Variants in SPTB observed in about 807,000 individuals in gnomAD.
The protein encoded by SPTB is spectrin beta, erythrocytic, also known as spectrin beta chain, erythrocytic.
Under a neutral mutation model 256.2 loss-of-function variants are expected in SPTB, and 45 were observed. That is an observed-to-expected ratio of 0.18 (90% CI 0.14 to 0.23). The LOEUF (loss-of-function observed/expected upper bound fraction) is 0.23. SPTB is among the 10% of genes least tolerant of loss of function. The pLI is 1.00. For synonymous variants in SPTB, 1,231 were observed against 1,243.1 expected, an observed-to-expected ratio of 0.99 and a Z score of 0.21; for missense variants, 2,715 against 3,040.4, an observed-to-expected ratio of 0.89 and a Z score of 2.52.
rs1566729212 is a variant in SPTB at position 64,749,262 on chromosome 14, G to T, written c.*44C>A. ...AGGAGGCCAAGGCCTGGGCTGCCCGGTCTCTGCGCGTCCCGACTCCGCCGC... is the reference window on the plus strand; with the variant it reads ...AGGAGGCCAAGGCCTGGGCTGCCCGTTCTCTGCGCGTCCCGACTCCGCCGC... On this transcript the variant is annotated 3_prime_UTR_variant, in exon 36 of 36. Coordinates refer to ENST00000644917, the MANE Select transcript of SPTB (RefSeq NM_001355436.2). This position sits in a 1 kb window ranked among gnomAD's most constrained non-coding sequence, Gnocchi z 4.7. 6.5e-7 allele frequency: 1 copy of T among 1,541,118 alleles called. No individual in the cohort carries two copies. The highest frequency in any genetic ancestry group is 8.7e-7 in the Non-Finnish European group (1 of 1,148,452).
rs1468167750 is a variant in SPTB, at chr14:64,753,586, G to A, written c.6553C>T (p.Leu2185=). Residue 2185 remains leucine (L), a synonymous_variant, in exon 33 of 36, where the codon CTG becomes TTG. Transcript: ENST00000644917. The part of the protein sequence containing the change: ...HGQSVQMEGY[L]GRKHDLEGPN... Reference sequence around the variant, plus strand: ...CCCTCCAGGTCATGCTTGCGGCCCAGGTAGCCTTCCATCTGCACACTCTGC... The same window carrying A: ...CCCTCCAGGTCATGCTTGCGGCCCAAGTAGCCTTCCATCTGCACACTCTGC... 1 of 1,613,586 alleles carries A rather than the reference G, an allele frequency of 6.2e-7. No individual in the cohort carries two copies. Among genetic ancestry groups the A allele is most frequent in the Non-Finnish European group, 8.5e-7 (1 of 1,180,024 alleles).
intron 20 of SPTB, among the ~76,000 whole-genome samples, chr14:64,780,667 C>T (rs558242116): frequency 6.6e-6 from 1 of 152,308 alleles, no homozygotes; most frequent in African/African-American, 2.4e-5. Flanking sequence ...CCCACCTTGG[C>T]CTCCCAAAGT....
At chr14:64,815,910 G>A (rs1002205468) in intron 2 of SPTB, among the ~76,000 whole-genome samples, 11 of 152,160 alleles carry the variant, frequency 7.2e-5, no homozygotes, top group East Asian at 3.9e-4. Flanking sequence ...TGACTTGATC[G>A]AGGTCCCCTA....
In SPTB at chr14:64,825,886, G is replaced by A. The variant is rs141316856; in HGVS notation, c.-51-2741C>T. Among the ~76,000 whole-genome samples, 1 of 152,224 alleles carries A rather than the reference G, an allele frequency of 6.6e-6. No homozygotes were observed. Among genetic ancestry groups the A allele is most frequent in the East Asian group, 1.9e-4 (1 of 5,202 alleles). ...TGCTTAAAAATGCCATCCCTCCTGT[G>A]GCCATGGCTCAGAGAAGGCAGCAGC... On this transcript the variant is annotated intron_variant, in intron 1 of 35. Transcript: ENST00000644917. The surrounding 1 kb of genome is among the most constrained non-coding windows in gnomAD (Gnocchi z 4.8).
chr14:64,822,990 G>A lies in SPTB; in HGVS notation c.105C>T (p.Ser35=). The change falls in exon 2 of 36, where the codon AGC becomes AGT. Residue 35 remains serine (S), a synonymous_variant. Transcript: ENST00000644917. ...APDDELDNDN[S]SARLFERSRI... ...GGGACCTCTCAAAGAGCCTGGCTGA[G>A]CTGTTGTCATTATCCAGCTCGTCGT... The A allele has an allele frequency of 6.2e-7, 1 of 1,614,042 alleles. No individual in the cohort carries two copies.
chr14:64,749,038 C>T lies in SPTB; in HGVS notation c.*268G>A. On this transcript the variant is annotated 3_prime_UTR_variant, in exon 36 of 36. Coordinates refer to ENST00000644917, the MANE Select transcript of SPTB (RefSeq NM_001355436.2). The surrounding 1 kb of genome is among the most constrained non-coding windows in gnomAD (Gnocchi z 4.7). ...GTGTGCCTCAGAGAACCGTTTCCTGCCCCCAGGCCTGGAGGCCCCAAAGGC... is the reference window on the plus strand; with the variant it reads ...GTGTGCCTCAGAGAACCGTTTCCTGTCCCCAGGCCTGGAGGCCCCAAAGGC... The T allele has an allele frequency of 5.3e-6, 2 of 379,728 alleles. No individual in the cohort carries two copies. Among genetic ancestry groups the T allele is most frequent in the South Asian group, 5.7e-5 (2 of 35,188 alleles). 23.5% of individuals were successfully genotyped at this position (379,728 alleles called of 1,614,324 possible). A position where few individuals can be genotyped will look rare whatever the true frequency, so the allele number is the denominator to read the frequency against.
intron 2 of SPTB, among the ~76,000 whole-genome samples, chr14:64,818,357 T>C (rs537532154): frequency 1.3e-5 from 2 of 151,994 alleles, no homozygotes; most frequent in Non-Finnish European, 2.9e-5. Flanking sequence ...GGGCGGCACA[T>C]GGGATGCCGG....
chr14:64,850,865 C>T (rs371043079), intron 1 of SPTB, among the ~76,000 whole-genome samples: 27 of 152,198 alleles, frequency 1.8e-4, no homozygotes, highest in African/African-American at 6.3e-4. Context: ...GATGTACTCC[C>T]ATTCTCATTC....
In SPTB at chr14:64,786,526, C is replaced by A. The variant is rs1390340680; in HGVS notation, c.3439G>T (p.Asp1147Tyr). ...CTGCCCAGGGCATTCCAGCCAGTAT[C>A]CAGGCCCTCCAGCCGCTGGCCCAGA... The part of the protein sequence containing the change: ...LLLGQRLEGL[D>Y]TGWNALGRMW... The change falls in exon 16 of 36, where the codon GAT becomes TAT. Residue 1147 changes from aspartate to tyrosine, a missense_variant. Physicochemically the swap from Asp to Tyr is radical, Grantham distance 160 (BLOSUM62 -3). Transcript: ENST00000644917. The surrounding 1 kb of genome is among the most constrained non-coding windows in gnomAD (Gnocchi z 5.6). 8.1e-6 allele frequency: 13 copies of A among 1,614,148 alleles called. No homozygotes were observed. The Admixed American group carries it at 1.8e-4, about 23-fold the overall frequency.
chr14:64,822,056 G>A (rs1467197444), intron 2 of SPTB, among the ~76,000 whole-genome samples: 4 of 151,936 alleles, frequency 2.6e-5, no homozygotes, highest in Admixed American at 1.3e-4. Flanking sequence ...ACTCTTCTTA[G>A]GAGGTGGAAG....
In SPTB at chr14:64,857,393, G is replaced by C. The variant is rs56978985; in HGVS notation, c.-52+22399C>G. Reference sequence around the variant, plus strand: ...AGCCTAGGAGTTTGAGACCAGCCTGGGCAATATGGTGAGACCCCATCTTTA... The same window carrying C: ...AGCCTAGGAGTTTGAGACCAGCCTGCGCAATATGGTGAGACCCCATCTTTA... On this transcript the variant is annotated intron_variant, in intron 1 of 35. Transcript: ENST00000644917. Among the ~76,000 whole-genome samples the C allele has an allele frequency of 1.2e-3, 176 of 151,894 alleles. 1 individual carries two copies. The highest frequency in any genetic ancestry group is 4.2e-3 in the African/African-American group (172 of 41,376).
At chr14:64,849,099 T>C (rs1173008607) in intron 1 of SPTB, among the ~76,000 whole-genome samples, 1 of 152,256 alleles carries the variant, frequency 6.6e-6, no homozygotes, top group Non-Finnish European at 1.5e-5. Flanking sequence ...GGTTAAGTTA[T>C]AGCCTTTATT....
At chr14:64,751,205 C>T (rs111764716) in intron 33 of SPTB, among the ~76,000 whole-genome samples, 204 of 151,470 alleles carry the variant, frequency 1.3e-3, no homozygotes, top group Middle Eastern at 3.4e-3. Context: ...CTGCAACCTC[C>T]GCCTCCCAGG....
chr14:64,801,982 C>T (rs1278983258), intron 5 of SPTB, 148 bp from the exon 6 acceptor site: 10 of 878,522 alleles, frequency 1.1e-5, no homozygotes, highest in Non-Finnish European at 1.7e-5. Flanking sequence ...GCTAACCACA[C>T]ACAGAGGCTC....
At chr14:64,810,544 G>T (rs1340052617) in intron 2 of SPTB, among the ~76,000 whole-genome samples, 1 of 152,112 alleles carries the variant, frequency 6.6e-6, no homozygotes, top group Non-Finnish European at 1.5e-5. Flanking sequence ...GCCGGGCATG[G>T]TGTTGCGCGC....
intron 12 of SPTB, among the ~76,000 whole-genome samples, chr14:64,794,888 T>C (rs2082738388): frequency 6.6e-6 from 1 of 152,224 alleles, no homozygotes; most frequent in African/African-American, 2.4e-5. Context: ...CCTGGCCATG[T>C]GTATTTTCAC....
At position 64,779,244 on chromosome 14, in the gene SPTB, A is replaced by C; in HGVS notation, c.4476T>G (p.Leu1492=). ...CCAGAGGCAGCCTCTCCTCCACCCAAAGCTGCAGAGACCAGGAGGCAGGAG... is the reference window on the plus strand; with the variant it reads ...CCAGAGGCAGCCTCTCCTCCACCCACAGCTGCAGAGACCAGGAGGCAGGAG... ...QISRDLEDET[L]WVEERLPLAQ... is the part of the protein sequence containing the mutation. Residue 1492 remains leucine, a splice_region_variant and synonymous_variant, in exon 22 of 36, where the codon CTT becomes CTG. Coordinates refer to ENST00000644917, the MANE Select transcript of SPTB (RefSeq NM_001355436.2). This position sits in a 1 kb window ranked among gnomAD's most constrained non-coding sequence, Gnocchi z 4.2. 1 of 1,612,018 alleles carries C rather than the reference A, an allele frequency of 6.2e-7. No homozygotes were observed. The highest frequency in any genetic ancestry group is 8.5e-7 in the Non-Finnish European group (1 of 1,178,822).
At chr14:64,773,571 G>T in intron 24 of SPTB, 147 bp from the exon 25 acceptor site, 1 of 851,720 alleles carries the variant, frequency 1.2e-6, no homozygotes, top group South Asian at 1.4e-5. Context: ...GGCTTTGCCG[G>T]GGAAGAGCTG....
At chr14:64,817,067 T>C (rs1444276393) in intron 2 of SPTB, among the ~76,000 whole-genome samples, 1 of 152,180 alleles carries the variant, frequency 6.6e-6, no homozygotes, top group Non-Finnish European at 1.5e-5. Context: ...CAGTCACCCA[T>C]AGAAGGGAAG....
Sources: gnomAD v4.1 joint callset for allele counts (sites outside exome capture counted in the v4.1 genomes callset) on GRCh38, gnomAD v4.1.1 for gene constraint, Gnocchi (gnomAD v3.1) non-coding constraint, MANE v1.5 for transcripts, NCBI Gene and HGNC (gene_info 2026-07-23, HGNC 2026-07-21) for gene names.